The following APBB1 variants were observed in gnomAD, a reference collection of about 807,000 sequenced individuals.
APBB1 encodes amyloid beta precursor protein binding family B member 1, also known as adaptor protein FE65a2.
A neutral mutation model predicts 78.4 loss-of-function variants in APBB1; 22 were observed. The observed-to-expected ratio is 0.28, with a 90% CI of 0.20 to 0.40. The LOEUF is 0.40. Ranked by LOEUF, APBB1 falls within the 10% of genes least tolerant of loss-of-function variation. The probability of loss-of-function intolerance (pLI) is 1.00; values close to 1 mark genes in which losing one functional copy is unlikely to be tolerated. For synonymous variants in APBB1, 369 were observed against 372.7 expected (o/e 0.99, Z 0.12); for missense variants, 749 against 932.4 (o/e 0.80, Z 2.56).
At position 6,395,709 on chromosome 11, in the gene APBB1, G is replaced by A; in HGVS notation, c.1966-8C>T. 6 of 1,588,082 alleles carry A rather than the reference G, an allele frequency of 3.8e-6. No homozygotes were observed. Among genetic ancestry groups the A allele is most frequent in the Non-Finnish European group, 5.1e-6 (6 of 1,165,118 alleles). On this transcript the variant is annotated splice_polypyrimidine_tract_variant and splice_region_variant and intron_variant, in intron 14 of 14. Coordinates refer to ENST00000609360, the MANE Select transcript of APBB1 (RefSeq NM_001164.5). This position sits in a 1 kb window ranked among gnomAD's most constrained non-coding sequence, Gnocchi z 5.2. ...ACACTTCTGGTAGCGAAGCTGCGGA[G>A]GCAAGCAGGGCAGTCACTCCCCAGC...
At chr11:6,412,507 C>G (rs1848995588) in intron 1 of APBB1, among the ~76,000 whole-genome samples, 2 of 152,184 alleles carry the variant, frequency 1.3e-5, no homozygotes, top group Non-Finnish European at 2.9e-5. Context: ...TCCCTGAACA[C>G]CCATTTTAAA....
At chr11:6,409,037 T>A (rs778638942) in intron 2 of APBB1, among the ~76,000 whole-genome samples, 59 of 152,078 alleles carry the variant, frequency 3.9e-4, no homozygotes, top group Middle Eastern at 3.2e-3. Context: ...GTTTTTTTTT[T>A]AAGAGTTTTA....
At chr11:6,418,885 G>T (rs888579772) in intron 1 of APBB1, 100 bp downstream of exon 1, 119 of 361,726 alleles carry the variant, frequency 3.3e-4, no homozygotes, top group Non-Finnish European at 5.3e-4. Flanking sequence ...GGCCGGCCGG[G>T]GGACCCGGGC....
intron 6 of APBB1, 153 bp from the exon 7 acceptor site, chr11:6,402,878 G>T: frequency 1.0e-6 from 1 of 996,792 alleles, no homozygotes; most frequent in Non-Finnish European, 1.5e-6. Context: ...GATGTGGTTA[G>T]GGTGAGGGAG....
Position 6,410,721 on chromosome 11 carries a change from C to T in APBB1, c.627G>A (p.Leu209=). ...PREHSKSASL[L]FGMRNSAASD... is the part of the protein sequence containing the mutation. The stretch of plus-strand genomic sequence containing the variant: ...TGGCTGCACTGTTCCGCATGCCAAA[C>T]AGGAGGCTGGCACTCTTGCTGTGTT... The change falls in exon 2 of 15, where the codon CTG becomes CTA. Residue 209 remains leucine, a synonymous_variant. Coordinates refer to ENST00000609360, the MANE Select transcript of APBB1 (RefSeq NM_001164.5). 6.4e-7 allele frequency: 1 copy of T among 1,556,592 alleles called. No individual in the cohort carries two copies. The highest frequency in any genetic ancestry group is 8.7e-7 in the Non-Finnish European group (1 of 1,151,602).
chr11:6,411,253 T>G lies in APBB1; in HGVS notation c.95A>C (p.His32Pro), dbSNP rs1486280095. 2 of 1,606,814 alleles carry G rather than the reference T, an allele frequency of 1.2e-6. No homozygotes were observed. The highest frequency in any genetic ancestry group is 1.7e-5 in the Admixed American group (1 of 59,776). The change falls in exon 2 of 15, where the codon CAC (histidine) becomes CCC (proline). Residue 32 changes from histidine to proline, a missense_variant. His to Pro is a moderately conservative substitution (Grantham distance 77). This residue lies in a region of APBB1 where 635 missense variants were observed against 765.0 expected (regional missense o/e 0.83). Transcript: ENST00000609360. This position sits in a 1 kb window ranked among gnomAD's most constrained non-coding sequence, Gnocchi z 5.2. ...CAGCTTGGCGTTGAGCAGCTGGTTG[T>G]GGGCAGCGTGCAGAGGCAGGGGTAG... ...LSLPLPLHAA[H>P]NQLLNAKLQA...
Position 6,402,724 on chromosome 11 carries a change from C to T in APBB1, c.1106G>A (p.Cys369Tyr). Residue 369 changes from cysteine (C) to tyrosine (Y), a missense_variant and splice_region_variant, in exon 7 of 15, where the codon TGT (cysteine) becomes TAT (tyrosine). This residue lies in a region of APBB1 where 635 missense variants were observed against 765.0 expected (regional missense o/e 0.83). Coordinates refer to ENST00000609360, the MANE Select transcript of APBB1 (RefSeq NM_001164.5). ...PPRNTNPGIK[C>Y]FAVRSLGWVE... ...CCAGCCTAGGGAGCGCACGGCGAAA[C>T]ACTGCCAGACACAGAAGAGGGGCAG... The T allele has an allele frequency of 6.2e-7, 1 of 1,614,112 alleles. No homozygotes were observed. Among genetic ancestry groups the T allele is most frequent in the Non-Finnish European group, 8.5e-7 (1 of 1,179,972 alleles).
intron 1 of APBB1, among the ~76,000 whole-genome samples, chr11:6,414,797 C>A (rs1011638171): frequency 6.6e-6 from 1 of 152,154 alleles, no homozygotes; most frequent in Non-Finnish European, 1.5e-5. Context: ...GAAGACTCCA[C>A]GACTCTGCCA....
At chr11:6,416,805 G>T (rs1261169841) in intron 1 of APBB1, among the ~76,000 whole-genome samples, 4 of 151,092 alleles carry the variant, frequency 2.6e-5, no homozygotes, top group Admixed American at 2.0e-4. Flanking sequence ...GCAGTGGCAA[G>T]ATCTCGGCTT....
chr11:6,409,980 C>A (rs1203285057), intron 2 of APBB1, among the ~76,000 whole-genome samples: 1 of 152,050 alleles, frequency 6.6e-6, no homozygotes, highest in Non-Finnish European at 1.5e-5. Flanking sequence ...CACAACATTC[C>A]CAGTCTTTCC....
Position 6,403,375 on chromosome 11 carries a change from C to G in APBB1, c.984G>C (p.Glu328Asp), listed in dbSNP as rs142988496. Residue 328 changes from glutamate to aspartate, a missense_variant, in exon 5 of 15, where the codon GAG (glutamate) becomes GAC (aspartate). Glu to Asp is a conservative substitution (Grantham distance 45). Around this residue, in one of 3 missense-constraint regions of APBB1, gnomAD observed 635 missense variants for 765.0 expected, o/e 0.83. Transcript: ENST00000609360. The surrounding 1 kb of genome is among the most constrained non-coding windows in gnomAD (Gnocchi z 5.3). ...KDEPSDEAPM[E>D]LGLKEPEEGT... ...CCTCCTCAGGTTCCTTCAGTCCCAG[C>G]TCCATTGGGGCCTCATCACTGGGTT... is the stretch of plus-strand genomic sequence containing the variant. The G allele has an allele frequency of 1.6e-4, 264 of 1,614,064 alleles. 2 individuals are homozygous for G. Among genetic ancestry groups the G allele is most frequent in the Middle Eastern group, 1.3e-3 (8 of 6,084 alleles).
intron 12 of APBB1, among the ~76,000 whole-genome samples, 177 bp downstream of exon 12, chr11:6,400,812 T>C (rs996196461): frequency 1.3e-5 from 2 of 152,198 alleles, no homozygotes; most frequent in African/African-American, 4.8e-5. Flanking sequence ...ACTGCTGCTA[T>C]AGGCAGGACA....
Position 6,395,711 on chromosome 11 carries a change from C to A in APBB1, c.1966-10G>T. Reference sequence around the variant, plus strand: ...ACTTCTGGTAGCGAAGCTGCGGAGGCAAGCAGGGCAGTCACTCCCCAGCCT... The same window carrying A: ...ACTTCTGGTAGCGAAGCTGCGGAGGAAAGCAGGGCAGTCACTCCCCAGCCT... On this transcript the variant is annotated splice_polypyrimidine_tract_variant and intron_variant, in intron 14 of 14. Coordinates refer to ENST00000609360, the MANE Select transcript of APBB1 (RefSeq NM_001164.5). This position sits in a 1 kb window ranked among gnomAD's most constrained non-coding sequence, Gnocchi z 5.2. 6.3e-7 allele frequency: 1 copy of A among 1,588,238 alleles called. No homozygotes were observed. The highest frequency in any genetic ancestry group is 8.6e-7 in the Non-Finnish European group (1 of 1,165,216).
rs1474529946 is a variant in APBB1 at position 6,411,894 on chromosome 11, G to A, written c.-14-533C>T. Among the ~76,000 whole-genome samples, 1 of 152,238 alleles carries A rather than the reference G, an allele frequency of 6.6e-6. No homozygotes were observed. Among genetic ancestry groups the A allele is most frequent in the East Asian group, 1.9e-4 (1 of 5,202 alleles). On this transcript the variant is annotated intron_variant, in intron 1 of 14. Coordinates refer to ENST00000609360, the MANE Select transcript of APBB1 (RefSeq NM_001164.5). This position sits in a 1 kb window ranked among gnomAD's most constrained non-coding sequence, Gnocchi z 5.2. ...CCCACCCCATACTAGGGACTGTGAG[G>A]ACAGGAGCAAATAAGCTGCAGAACC...
Position 6,413,320 on chromosome 11 carries a change from C to A in APBB1, c.-14-1959G>T, listed in dbSNP as rs147745397. Among the ~76,000 whole-genome samples the A allele has an allele frequency of 1.4e-4, 21 of 152,364 alleles. No individual in the cohort carries two copies. In the East Asian group the frequency reaches 3.7e-3, roughly 27 times the overall value. On this transcript the variant is annotated intron_variant, in intron 1 of 14. Coordinates refer to ENST00000609360, the MANE Select transcript of APBB1 (RefSeq NM_001164.5). ...ACTGACCATCCCAACAAACACTGCA[C>A]TGTGCTCTTTCTCATTCCCACTGTA...
chr11:6,401,441 A>G lies in APBB1; in HGVS notation c.1504-12T>C. ...CGTTCGGCCATGATCTGAGGAAGGA[A>G]GGGAGGCGAGGAGCCAGGGAGAATC... On this transcript the variant is annotated splice_polypyrimidine_tract_variant and intron_variant, in intron 10 of 14. Transcript: ENST00000609360. The surrounding 1 kb of genome is among the most constrained non-coding windows in gnomAD (Gnocchi z 4.5). 5 of 1,613,168 alleles carry G rather than the reference A, an allele frequency of 3.1e-6. No homozygotes were observed. The highest frequency in any genetic ancestry group is 4.2e-6 in the Non-Finnish European group (5 of 1,179,216).
chr11:6,403,380 T>C lies in APBB1; in HGVS notation c.979A>G (p.Met327Val), dbSNP rs1800423. ...TCAGGTTCCTTCAGTCCCAGCTCCA[T>C]TGGGGCCTCATCACTGGGTTCATCC... is the stretch of plus-strand genomic sequence containing the variant. ...WKDEPSDEAPMELGLKEPEEG... is the reference protein window; with the variant it reads ...WKDEPSDEAPVELGLKEPEEG... Residue 327 changes from methionine to valine, a missense_variant, in exon 5 of 15, where the codon ATG becomes GTG. Met to Val is a conservative substitution (Grantham distance 21). Coordinates refer to ENST00000609360, the MANE Select transcript of APBB1 (RefSeq NM_001164.5). This position sits in a 1 kb window ranked among gnomAD's most constrained non-coding sequence, Gnocchi z 5.3. 7.7e-3 allele frequency: 12,413 copies of C among 1,614,124 alleles called. 53 individuals carry two copies. Among genetic ancestry groups the C allele is most frequent in the Non-Finnish European group, 9.3e-3 (10,927 of 1,179,978 alleles).
At position 6,403,255 on chromosome 11, in the gene APBB1, C is replaced by T; in HGVS notation, c.1041-47G>A. ...TGGCACAGGGCTCCCATAAATGGAG[C>T]TGTCCCAAGGCCCCTTCCAGACAGA... On this transcript the variant is annotated intron_variant, in intron 5 of 14. Transcript: ENST00000609360. This position sits in a 1 kb window ranked among gnomAD's most constrained non-coding sequence, Gnocchi z 5.3. 1.9e-6 allele frequency: 3 copies of T among 1,610,010 alleles called. No individual in the cohort carries two copies. The highest frequency in any genetic ancestry group is 2.5e-6 in the Non-Finnish European group (3 of 1,177,846).
Position 6,401,406 on chromosome 11 carries a change from G to C in APBB1, c.1527C>G (p.Ala509=). The C allele has an allele frequency of 6.2e-7, 1 of 1,614,024 alleles. No individual in the cohort carries two copies. The highest frequency in any genetic ancestry group is 1.3e-5 in the African/African-American group (1 of 74,986). ...CSKIMAERRN[A]RCLVNGLSLD... is the part of the protein sequence containing the mutation. ...GGGAGAGTCCATTTACCAAGCAGCG[G>C]GCATTACGCCGTTCGGCCATGATCT... is the stretch of plus-strand genomic sequence containing the variant. Residue 509 remains alanine, a synonymous_variant, in exon 11 of 15, where the codon GCC becomes GCG. Transcript: ENST00000609360. The surrounding 1 kb of genome is among the most constrained non-coding windows in gnomAD (Gnocchi z 4.5).
Sources: allele counts gnomAD v4.1 joint callset (sites outside exome capture counted in the v4.1 genomes callset), GRCh38; gene constraint gnomAD v4.1.1; regional missense constraint gnomAD v4.1.1; non-coding constraint Gnocchi (gnomAD v3.1); transcripts MANE v1.5; gene names NCBI Gene and HGNC (gene_info 2026-07-23, HGNC 2026-07-21).